Variants in SORBS2 observed in about 807,000 individuals in gnomAD.
SORBS2 encodes sorbin and SH3 domain-containing protein 2.
SORBS2 carries 46 observed loss-of-function variants against 97.7 expected under a neutral mutation model. The ratio of observed to expected loss-of-function variants is 0.47; its 90% CI spans 0.37 to 0.60. The LOEUF is 0.60. SORBS2 is among the 20% of genes least tolerant of loss of function. SORBS2 has a pLI of 0.00. For synonymous variants in SORBS2, 476 were observed against 473.4 expected (o/e 1.01, Z -0.07); for missense variants, 1,316 against 1,282.3 (o/e 1.03, Z -0.40).
At chr4:185,895,292 T>C (rs1472827037) in intron 1 of SORBS2, among the ~76,000 whole-genome samples, 1 of 152,216 alleles carries the variant, frequency 6.6e-6, no homozygotes, top group Admixed American at 6.5e-5. Context: ...GAACTCCTTG[T>C]CTGTATGTTT....
intron 4 of SORBS2, chr4:185,677,175 G>A: frequency 6.4e-7 from 1 of 1,551,708 alleles, no homozygotes. Flanking sequence ...CTCAGGCACT[G>A]GATTAGGGGT....
At chr4:185,637,466 G>A (rs2097032746) in intron 4 of SORBS2, among the ~76,000 whole-genome samples, 1 of 152,234 alleles carries the variant, frequency 6.6e-6, no homozygotes, top group African/African-American at 2.4e-5. Context: ...AGCAACACGT[G>A]ACTGTATTTT....
intron 1 of SORBS2, among the ~76,000 whole-genome samples, chr4:185,927,920 T>C (rs1352368200): frequency 6.6e-6 from 1 of 152,228 alleles, no homozygotes; most frequent in Non-Finnish European, 1.5e-5. Flanking sequence ...TTATTTGATA[T>C]GTCACCTTGT....
chr4:185,858,646 C>G (rs1359211643), intron 1 of SORBS2, among the ~76,000 whole-genome samples: 1 of 152,148 alleles, frequency 6.6e-6, no homozygotes, highest in Non-Finnish European at 1.5e-5. Flanking sequence ...AAGGGAGAGA[C>G]ACAGACAAGG....
chr4:185,747,847 C>T (rs1380718136), intron 2 of SORBS2, among the ~76,000 whole-genome samples: 4 of 152,076 alleles, frequency 2.6e-5, no homozygotes, highest in Middle Eastern at 3.2e-3. Flanking sequence ...AAAAATTAGC[C>T]GGGCACGGTG....
At chr4:185,828,997 T>C (rs986735160) in intron 1 of SORBS2, among the ~76,000 whole-genome samples, 3 of 152,196 alleles carry the variant, frequency 2.0e-5, no homozygotes, top group Non-Finnish European at 4.4e-5. Flanking sequence ...ATTTAATCCA[T>C]CCTCCATATG....
intron 1 of SORBS2, among the ~76,000 whole-genome samples, chr4:185,849,530 G>T (rs1174827501): frequency 1.3e-5 from 2 of 149,146 alleles, no homozygotes; most frequent in African/African-American, 5.0e-5. Context: ...GTCCACTCCA[G>T]TGCAGATAAT....
intron 12 of SORBS2, among the ~76,000 whole-genome samples, chr4:185,600,480 A>G (rs1029598977): frequency 6.6e-6 from 1 of 152,098 alleles, no homozygotes; most frequent in African/African-American, 2.4e-5. Context: ...CTGGGATCAC[A>G]GGCACCCGCC....
chr4:185,846,980 A>G (rs1254532555), intron 1 of SORBS2, among the ~76,000 whole-genome samples: 1 of 152,246 alleles, frequency 6.6e-6, no homozygotes, highest in East Asian at 1.9e-4. Context: ...TATCCAGAAT[A>G]AAAACATGAC....
chr4:185,734,956 C>T (rs909529036), intron 2 of SORBS2, among the ~76,000 whole-genome samples: 1 of 152,248 alleles, frequency 6.6e-6, no homozygotes, highest in Non-Finnish European at 1.5e-5. Context: ...AATTCCCTTT[C>T]AGGGACTGCT....
At chr4:185,764,725 G>T (rs1052574610) in intron 2 of SORBS2, among the ~76,000 whole-genome samples, 2 of 152,132 alleles carry the variant, frequency 1.3e-5, no homozygotes, top group African/African-American at 2.4e-5. Context: ...TAGAGGGAAA[G>T]ATGTTTTAAT....
intron 2 of SORBS2, among the ~76,000 whole-genome samples, chr4:185,751,412 G>A (rs2098799631): frequency 6.6e-6 from 1 of 152,132 alleles, no homozygotes; most frequent in African/African-American, 2.4e-5. Context: ...AAAGCAAGAT[G>A]ACAGAAGTTT....
upstream of SORBS2, chr4:185,657,693 G>A: frequency 1.8e-6 from 2 of 1,093,986 alleles, no homozygotes; most frequent in Non-Finnish European, 1.3e-6. Context: ...GTAACACAGA[G>A]ACCATATTGC....
rs115665597 is a variant in SORBS2, at chr4:185,662,177, C to T, written c.21G>A (p.Pro7=). Residue 7 remains proline (P), a synonymous_variant, in exon 5 of 21, where the codon CCG becomes CCA. Coordinates refer to the SORBS2 transcript ENST00000284776. ...GGAGAGAATATGCCGAGGGGGAAAA[C>T]GGCCTCTGATAGTAACTCATGGGAC... is the stretch of plus-strand genomic sequence containing the variant. 276 of 1,614,002 alleles carry T rather than the reference C, an allele frequency of 1.7e-4. 1 individual carries two copies. The African/African-American group carries it at 3.0e-3, about 18-fold the overall frequency.
chr4:185,746,037 A>C (rs2153591936), intron 2 of SORBS2, among the ~76,000 whole-genome samples: 1 of 152,348 alleles, frequency 6.6e-6, no homozygotes, highest in South Asian at 2.1e-4. Flanking sequence ...TAGAGGGAAT[A>C]ACAAAGTGAC....
intron 1 of SORBS2, among the ~76,000 whole-genome samples, chr4:185,875,467 C>T (rs1003821655): frequency 3.9e-5 from 6 of 152,214 alleles, no homozygotes; most frequent in South Asian, 2.1e-4. Flanking sequence ...GTGGCCAATT[C>T]CCATCGCTCT....
At chr4:185,805,034 C>T (rs2099147186) in intron 1 of SORBS2, among the ~76,000 whole-genome samples, 1 of 151,776 alleles carries the variant, frequency 6.6e-6, no homozygotes, top group African/African-American at 2.4e-5. Flanking sequence ...AAAATTTTAA[C>T]TCTTTAGGTT....
intron 2 of SORBS2, among the ~76,000 whole-genome samples, chr4:185,737,596 A>G (rs1000025094): frequency 6.6e-6 from 1 of 151,982 alleles, no homozygotes; most frequent in East Asian, 1.9e-4. Flanking sequence ...CTGCTTTCGG[A>G]GCATAGGTGG....
chr4:185,928,310 G>A (rs1015653767), intron 1 of SORBS2, among the ~76,000 whole-genome samples: 5 of 152,196 alleles, frequency 3.3e-5, no homozygotes, highest in East Asian at 1.9e-4. Context: ...AGGCTGAGGC[G>A]GGAGGATCAC....
Sources: allele counts gnomAD v4.1 joint callset (sites outside exome capture counted in the v4.1 genomes callset), GRCh38; gene constraint gnomAD v4.1.1; transcripts MANE v1.5; gene names NCBI Gene and HGNC (gene_info 2026-07-23, HGNC 2026-07-21).